Variants in ZNF469 observed in about 807,000 individuals in gnomAD.
The protein encoded by ZNF469 is zinc finger protein 469.
ZNF469 carries 1 observed loss-of-function variant against 1.0 expected under a neutral mutation model. That is an observed-to-expected ratio of 1.00 (90% CI 0.35 to 4.73). ZNF469 has a LOEUF of 4.73. ZNF469 is among the 30% of genes most tolerant of loss of function. The probability of loss-of-function intolerance (pLI) is 0.16; values close to 1 mark genes in which losing one functional copy is unlikely to be tolerated. For missense variants in ZNF469, 6,100 were observed against 5,356.3 expected, an observed-to-expected ratio of 1.14 and a Z score of -4.33; for synonymous variants, 2,703 against 2,363.4, an observed-to-expected ratio of 1.14 and a Z score of -4.17.
upstream of ZNF469, among the ~76,000 whole-genome samples, chr16:88,380,830 A>G (rs1319788282): frequency 1.3e-5 from 2 of 148,504 alleles, no homozygotes; most frequent in African/African-American, 5.0e-5. Context: ...ACACACACAC[A>G]CGCACTCACA....
At chr16:88,112,617 T>C in the ZNF469 span, among the ~76,000 whole-genome samples, 1 of 152,176 alleles carries the variant, frequency 6.6e-6, no homozygotes, top group Non-Finnish European at 1.5e-5. Context: ...TTTGCCCATT[T>C]TTACTCAGAT....
the ZNF469 span, among the ~76,000 whole-genome samples, chr16:88,259,264 G>A: frequency 1.1e-3 from 95 of 86,598 alleles, no homozygotes; most frequent in Non-Finnish European, 1.5e-3. This position sits in a 1 kb window ranked among gnomAD's most constrained non-coding sequence, Gnocchi z 4.1. Flanking sequence ...CCGCCCCCCC[G>A]AAGCGGGCCA....
the ZNF469 span, among the ~76,000 whole-genome samples, chr16:88,293,960 C>T: frequency 3.3e-5 from 5 of 152,188 alleles, no homozygotes; most frequent in African/African-American, 7.2e-5. Context: ...GACCACGAGA[C>T]GGCCTTTACT....
the ZNF469 span, among the ~76,000 whole-genome samples, chr16:88,295,603 T>C: frequency 6.6e-6 from 1 of 152,174 alleles, no homozygotes; most frequent in Admixed American, 6.5e-5. Flanking sequence ...GAGGGCTATC[T>C]GAAAGCGCTG....
chr16:88,132,690 A>G, the ZNF469 span, among the ~76,000 whole-genome samples: 1 of 152,160 alleles, frequency 6.6e-6, no homozygotes, highest in Non-Finnish European at 1.5e-5. Flanking sequence ...CAAGTTTTCA[A>G]ACTAAATGGA....
chr16:88,437,200 T>G lies in ZNF469; in HGVS notation c.9730T>G (p.Ser3244Ala). The G allele has an allele frequency of 1.3e-6, 2 of 1,549,340 alleles. No individual in the cohort carries two copies. Among genetic ancestry groups the G allele is most frequent in the Non-Finnish European group, 1.7e-6 (2 of 1,146,524 alleles). ...PAPKHHRGKR[S>A]AGKAAGSPGD... ...GCCCAAACACCACAGGGGCAAGCGC[T>G]CCGCCGGCAAGGCCGCCGGGAGCCC... Residue 3244 changes from serine (S) to alanine (A), a missense_variant, in exon 3 of 3, where the codon TCC becomes GCC. Transcript: ENST00000565624.
At chr16:88,401,825 G>C (rs1354871662) in intron 1 of ZNF469, among the ~76,000 whole-genome samples, 1 of 150,894 alleles carries the variant, frequency 6.6e-6, no homozygotes, top group Non-Finnish European at 1.5e-5. Context: ...GGATGCTTGG[G>C]TGGATGGATG....
rs1906787878 is a variant in ZNF469, at chr16:88,438,763, C to G, written c.11293C>G (p.Pro3765Ala). 2 of 1,550,132 alleles carry G rather than the reference C, an allele frequency of 1.3e-6. No individual in the cohort carries two copies. The highest frequency in any genetic ancestry group is 1.7e-4 in the Middle Eastern group (1 of 5,984). Residue 3765 changes from proline to alanine, a missense_variant, in exon 3 of 3, where the codon CCA becomes GCA. By Grantham distance (27) the Pro-to-Ala change is conservative. Coordinates refer to ENST00000565624, the MANE Select transcript of ZNF469 (RefSeq NM_001367624.2). The stretch of plus-strand genomic sequence containing the variant: ...GCTCCAGAGCGAGACAGCCACCACC[C>G]CAGCCAAGCCCAGCTTCCCCAGCCG... ...GQLQSETATT[P>A]AKPSFPSRSP...
chr16:88,146,688 C>T, the ZNF469 span, among the ~76,000 whole-genome samples: 1 of 152,044 alleles, frequency 6.6e-6, no homozygotes, highest in African/African-American at 2.4e-5. Context: ...TTCCTTACAC[C>T]TCTCCCTGGC....
the ZNF469 span, among the ~76,000 whole-genome samples, chr16:88,110,405 C>T: frequency 1.3e-5 from 2 of 152,260 alleles, no homozygotes; most frequent in African/African-American, 4.8e-5. Context: ...CCACGGTCTC[C>T]GTCCGTCTTC....
the ZNF469 span, among the ~76,000 whole-genome samples, chr16:88,158,204 T>C: frequency 3.3e-5 from 5 of 151,232 alleles, no homozygotes; most frequent in Non-Finnish European, 7.4e-5. Context: ...TGAGAACCCT[T>C]GTTAGAGGCA....
the ZNF469 span, among the ~76,000 whole-genome samples, chr16:88,219,033 A>G: frequency 6.7e-6 from 1 of 148,754 alleles, no homozygotes; most frequent in African/African-American, 2.6e-5. Flanking sequence ...TTCAAAGAGA[A>G]TAAAATACCT....
the ZNF469 span, among the ~76,000 whole-genome samples, chr16:88,116,240 T>G: frequency 6.6e-6 from 1 of 152,194 alleles, no homozygotes; most frequent in African/African-American, 2.4e-5. Flanking sequence ...TGCCAGCAGC[T>G]GTCGGGAAAC....
chr16:88,292,464 G>C, the ZNF469 span, among the ~76,000 whole-genome samples: 2 of 152,140 alleles, frequency 1.3e-5, no homozygotes, highest in African/African-American at 4.8e-5. Context: ...ACCTCACCAG[G>C]GCCCCAGTGG....
chr16:88,294,124 T>C, the ZNF469 span, among the ~76,000 whole-genome samples: 1 of 152,214 alleles, frequency 6.6e-6, no homozygotes, highest in Admixed American at 6.5e-5. Flanking sequence ...CCAGGAAAGC[T>C]CTGGCTCAAA....
chr16:88,123,592 G>T, the ZNF469 span, among the ~76,000 whole-genome samples: 91 of 152,298 alleles, frequency 6.0e-4, no homozygotes, highest in African/African-American at 2.1e-3. Flanking sequence ...GGATAATTGC[G>T]GGGCCACGTG....
the ZNF469 span, among the ~76,000 whole-genome samples, chr16:88,247,019 GTGAGTGAA>G: frequency 5.8e-4 from 87 of 150,868 alleles, no homozygotes; most frequent in East Asian, 1.6e-3. Context: ...GAATCAATGA[GTGAGTGAA>G]TGAGTGAATG....
the ZNF469 span, among the ~76,000 whole-genome samples, chr16:88,135,758 T>A: frequency 2.1e-3 from 273 of 128,288 alleles, 30 homozygotes; most frequent in African/African-American, 7.3e-3. Flanking sequence ...GTTTTTTTTT[T>A]TTTTTTTTTT....
At chr16:88,342,960 T>A in the ZNF469 span, among the ~76,000 whole-genome samples, 1 of 152,172 alleles carries the variant, frequency 6.6e-6, no homozygotes, top group East Asian at 1.9e-4. Flanking sequence ...TGGGCTCAAG[T>A]CCTTCATGGC....
Sources: gnomAD v4.1 joint callset for allele counts (sites outside exome capture counted in the v4.1 genomes callset) on GRCh38, gnomAD v4.1.1 for gene constraint, Gnocchi (gnomAD v3.1) non-coding constraint, MANE v1.5 for transcripts, NCBI Gene and HGNC (gene_info 2026-07-23, HGNC 2026-07-21) for gene names.